The following ABTB3 variants were observed in gnomAD, a reference collection of about 807,000 sequenced individuals.
ABTB3 encodes the protein ankyrin repeat and BTB domain containing 3.
chr12:107,479,765 A>G, the ABTB3 span, among the ~76,000 whole-genome samples: 4 of 152,162 alleles, frequency 2.6e-5, no homozygotes, highest in South Asian at 2.1e-4. Context: ...AGCACTTGAC[A>G]TTATAGCCTG....
the ABTB3 span, among the ~76,000 whole-genome samples, chr12:107,589,485 A>G: frequency 2.6e-5 from 4 of 152,202 alleles, no homozygotes; most frequent in Admixed American, 2.6e-4. Flanking sequence ...GAGATTTGGA[A>G]AGCCATCACT....
At chr12:107,562,112 C>T in the ABTB3 span, among the ~76,000 whole-genome samples, 5 of 152,236 alleles carry the variant, frequency 3.3e-5, no homozygotes, top group Non-Finnish European at 5.9e-5. Flanking sequence ...ACCAGGTACA[C>T]AGAAGGTACT....
At chr12:107,543,172 C>A in the ABTB3 span, among the ~76,000 whole-genome samples, 1 of 151,862 alleles carries the variant, frequency 6.6e-6, no homozygotes, top group Admixed American at 6.6e-5. Flanking sequence ...CTCATCTCTA[C>A]TAAAATTACG....
chr12:107,610,786 G>T, the ABTB3 span, among the ~76,000 whole-genome samples: 1 of 152,144 alleles, frequency 6.6e-6, no homozygotes, highest in Non-Finnish European at 1.5e-5. Context: ...ATACACAAAA[G>T]TCATTCTGGG....
the ABTB3 span, among the ~76,000 whole-genome samples, chr12:107,453,851 A>T: frequency 6.6e-6 from 1 of 152,180 alleles, no homozygotes; most frequent in African/African-American, 2.4e-5. Context: ...AAATTTTGAA[A>T]GTAAAACCCT....
the ABTB3 span, among the ~76,000 whole-genome samples, chr12:107,466,483 A>T: frequency 1.3e-5 from 2 of 151,834 alleles, no homozygotes; most frequent in Non-Finnish European, 2.9e-5. Flanking sequence ...AATGTCCAAT[A>T]GAGGCAGGTG....
the ABTB3 span, among the ~76,000 whole-genome samples, chr12:107,361,383 C>G: frequency 7.3e-4 from 111 of 152,290 alleles, no homozygotes; most frequent in Non-Finnish European, 1.3e-3. Context: ...GTGATACGCT[C>G]TTTGACAGCA....
At chr12:107,442,509 G>A in the ABTB3 span, among the ~76,000 whole-genome samples, 1 of 152,196 alleles carries the variant, frequency 6.6e-6, no homozygotes, top group South Asian at 2.1e-4. Context: ...CTTGACATCG[G>A]ATGGCTTTTC....
chr12:107,645,121 G>A, the ABTB3 span, among the ~76,000 whole-genome samples: 1 of 152,014 alleles, frequency 6.6e-6, no homozygotes, highest in Non-Finnish European at 1.5e-5. Flanking sequence ...AACAGGTGCC[G>A]CTTGGCTAAT....
At chr12:107,513,362 C>A in the ABTB3 span, among the ~76,000 whole-genome samples, 1 of 152,134 alleles carries the variant, frequency 6.6e-6, no homozygotes, top group Non-Finnish European at 1.5e-5. Context: ...AGGGCGGGAG[C>A]AGGTGGAGGT....
the ABTB3 span, among the ~76,000 whole-genome samples, chr12:107,338,982 C>A: frequency 6.6e-6 from 1 of 152,176 alleles, no homozygotes; most frequent in African/African-American, 2.4e-5. Context: ...TATGCCACAG[C>A]ACTCAGCTTA....
the ABTB3 span, among the ~76,000 whole-genome samples, chr12:107,373,602 C>A: frequency 2.0e-5 from 3 of 152,194 alleles, no homozygotes; most frequent in Admixed American, 1.3e-4. Flanking sequence ...CTTAACCTGA[C>A]CCCTGCTTGC....
the ABTB3 span, among the ~76,000 whole-genome samples, chr12:107,393,143 G>A: frequency 6.6e-6 from 1 of 152,208 alleles, no homozygotes; most frequent in Non-Finnish European, 1.5e-5. Flanking sequence ...ACGCTTCCTT[G>A]AGGGGCCTTG....
At chr12:107,454,121 T>C in the ABTB3 span, among the ~76,000 whole-genome samples, 1 of 152,250 alleles carries the variant, frequency 6.6e-6, no homozygotes, top group Non-Finnish European at 1.5e-5. Context: ...TAGTAGGTGC[T>C]CAATAAGTGC....
the ABTB3 span, among the ~76,000 whole-genome samples, chr12:107,634,395 A>C: frequency 2.6e-5 from 4 of 151,614 alleles, no homozygotes; most frequent in African/African-American, 9.8e-5. Context: ...TTTTCTATAC[A>C]TATCTGTCAA....
chr12:107,642,350 G>A, the ABTB3 span, among the ~76,000 whole-genome samples: 1 of 152,162 alleles, frequency 6.6e-6, no homozygotes, highest in South Asian at 2.1e-4. Context: ...CATCCCTGCA[G>A]CATTAACTGA....
the ABTB3 span, among the ~76,000 whole-genome samples, chr12:107,446,509 C>T: frequency 6.6e-6 from 1 of 152,096 alleles, no homozygotes; most frequent in Non-Finnish European, 1.5e-5. Flanking sequence ...CAAACAGCAA[C>T]ACACTTAAGG....
the ABTB3 span, among the ~76,000 whole-genome samples, chr12:107,553,765 C>T: frequency 3.3e-5 from 5 of 152,152 alleles, no homozygotes; most frequent in Non-Finnish European, 7.3e-5. Context: ...ATGGCAAAAC[C>T]CCATCTCTAC....
At chr12:107,379,862 T>A in the ABTB3 span, among the ~76,000 whole-genome samples, 4 of 152,190 alleles carry the variant, frequency 2.6e-5, no homozygotes. Flanking sequence ...CACTCCTTGC[T>A]CCATGTCCTT....
Sources: allele counts gnomAD v4.1 joint callset (sites outside exome capture counted in the v4.1 genomes callset), GRCh38; gene constraint gnomAD v4.1.1; transcripts MANE v1.5; gene names NCBI Gene and HGNC (gene_info 2026-07-23, HGNC 2026-07-21).